The following NRIP1 variants were observed in gnomAD, a reference collection of about 807,000 sequenced individuals.
NRIP1 encodes the protein nuclear receptor-interacting protein 1.
In NRIP1, 28 loss-of-function variants were observed where a neutral mutation model predicts 75.0. The observed-to-expected ratio is 0.37, with a 90% confidence interval of 0.28 to 0.51. The LOEUF (loss-of-function observed/expected upper bound fraction) is 0.51. Among genes scored for constraint, NRIP1 ranks in the 20% least tolerant of loss-of-function variants. NRIP1 has a pLI of 0.92. For synonymous variants in NRIP1, 526 were observed against 487.6 expected (o/e 1.08, Z -1.04); for missense variants, 1,435 against 1,343.7 (o/e 1.07, Z -1.06).
In NRIP1 at chr21:14,965,987, C is replaced by G. The variant is rs778836237; in HGVS notation, c.2206G>C (p.Glu736Gln). Residue 736 changes from glutamate (E) to glutamine (Q), a missense_variant, in exon 4 of 4, where the codon GAA becomes CAA. Physicochemically the swap from Glu to Gln is conservative, Grantham distance 29. Coordinates refer to ENST00000318948, the MANE Select transcript of NRIP1 (RefSeq NM_003489.4). ...CTCTCTGAGTGTTCCTGAGTACTTT[C>G]ATCTCTTAAGGGAGTTTTCTCTTTT... Reference protein sequence around the residue: ...EKKEKTPLRDESTQEHSERAL... With the variant: ...EKKEKTPLRDQSTQEHSERAL... 4 of 1,613,426 alleles carry G rather than the reference C, an allele frequency of 2.5e-6. No individual in the cohort carries two copies. The African/African-American group carries it at 4.0e-5, about 16-fold the overall frequency.
intron 2 of NRIP1, among the ~76,000 whole-genome samples, chr21:15,016,128 C>T (rs2088221286): frequency 6.6e-6 from 1 of 152,206 alleles, no homozygotes; most frequent in South Asian, 2.1e-4. Flanking sequence ...ATTTTCACAA[C>T]TCGGTGAAAT....
chr21:14,990,971 G>A (rs1250824767), intron 3 of NRIP1, among the ~76,000 whole-genome samples: 1 of 152,068 alleles, frequency 6.6e-6, no homozygotes, highest in Non-Finnish European at 1.5e-5. Context: ...AGGGCTCTAC[G>A]TGCTTCTCGT....
At chr21:14,987,815 C>T (rs935123861) in intron 3 of NRIP1, 1 of 152,156 alleles carries the variant, frequency 6.6e-6, no homozygotes, top group Non-Finnish European at 1.5e-5. Flanking sequence ...CATTATTTAT[C>T]CTCATTCCCA....
intron 1 of NRIP1, among the ~76,000 whole-genome samples, chr21:15,056,506 CA>C (rs996570836): frequency 2.7e-4 from 41 of 151,916 alleles, no homozygotes; most frequent in Admixed American, 5.3e-4. Flanking sequence ...TATTTTAATT[CA>C]TTTTTTTTTA....
chr21:15,009,788 TTAA>T (rs2088059064), intron 3 of NRIP1, among the ~76,000 whole-genome samples: 1 of 152,216 alleles, frequency 6.6e-6, no homozygotes, highest in African/African-American at 2.4e-5. Context: ...ATAATTAAAT[TTAA>T]TGATGAAAGA....
Position 14,967,184 on chromosome 21 carries a change from T to A in NRIP1, c.1009A>T (p.Met337Leu). 6.2e-7 allele frequency: 1 copy of A among 1,614,130 alleles called. No individual in the cohort carries two copies. Among genetic ancestry groups the A allele is most frequent in the Non-Finnish European group, 8.5e-7 (1 of 1,180,006 alleles). ...GQARTSSSKL[M>L]ASKSSATVFQ... ...ACTGTAGCACTACTTTTGCTAGCCA[T>A]CAGTTTGCTTGATGATGTTCTTGCC... The change falls in exon 4 of 4, where the codon ATG (methionine) becomes TTG (leucine). Residue 337 changes from methionine (M) to leucine (L), a missense_variant. Transcript: ENST00000318948.
chr21:15,030,329 A>G (rs1438942905), intron 2 of NRIP1, among the ~76,000 whole-genome samples: 3 of 152,174 alleles, frequency 2.0e-5, no homozygotes, highest in Non-Finnish European at 4.4e-5. Context: ...TATTACTTAT[A>G]TTTTTATTAA....
intron 3 of NRIP1, among the ~76,000 whole-genome samples, chr21:15,006,775 T>A (rs1012502372): frequency 9.9e-5 from 15 of 152,074 alleles, no homozygotes; most frequent in Non-Finnish European, 2.2e-4. Context: ...ACCTAGTGAG[T>A]AAATAAGACC....
In NRIP1 at chr21:14,966,344, C is replaced by T. The variant is rs1387511462; in HGVS notation, c.1849G>A (p.Glu617Lys). Residue 617 changes from glutamate (E) to lysine (K), a missense_variant, in exon 4 of 4, where the codon GAA (glutamate) becomes AAA (lysine). Transcript: ENST00000318948. Reference protein sequence around the residue: ...DPPGEKPAQNEGAQNSATFSA... With the variant: ...DPPGEKPAQNKGAQNSATFSA... ...AACGTTGCAGAGTTCTGTGCACCTT[C>T]ATTTTGGGCTGGTTTCTCTCCTGGT... is the stretch of plus-strand genomic sequence containing the variant. The T allele has an allele frequency of 6.2e-7, 1 of 1,614,044 alleles. No individual in the cohort carries two copies. The highest frequency in any genetic ancestry group is 8.5e-7 in the Non-Finnish European group (1 of 1,179,960).
At chr21:14,996,476 T>C (rs1030203229) in intron 3 of NRIP1, among the ~76,000 whole-genome samples, 1 of 152,184 alleles carries the variant, frequency 6.6e-6, no homozygotes, top group Non-Finnish European at 1.5e-5. Flanking sequence ...AGCTTAAATA[T>C]CACCCGCTAA....
intron 3 of NRIP1, among the ~76,000 whole-genome samples, chr21:14,990,176 T>C (rs2087530113): frequency 6.6e-6 from 1 of 152,212 alleles, no homozygotes; most frequent in Non-Finnish European, 1.5e-5. Context: ...GCATGTACTC[T>C]TTCCCTCTCA....
At position 15,010,905 on chromosome 21, in the gene NRIP1, CA is replaced by C. The variant is rs141098636; in HGVS notation, c.-335+3438del. On this transcript the variant is annotated intron_variant, in intron 3 of 3. Transcript: ENST00000318948. ...GAGCCAAGCATACAGATTTTCTTAC[CA>C]GGGTTATCCACAAGGCCAGGAAAAC... Among the ~76,000 whole-genome samples, 366 of 152,266 alleles carry C rather than the reference CA, an allele frequency of 2.4e-3. 7 individuals carry two copies. The highest frequency in any genetic ancestry group is 8.4e-3 in the African/African-American group (348 of 41,554).
intron 2 of NRIP1, 56 bp from the exon 3 acceptor site, chr21:15,014,522 C>T (rs1221809942): frequency 2.5e-6 from 1 of 398,110 alleles, no homozygotes; most frequent in Non-Finnish European, 4.4e-6. Flanking sequence ...TTCTGGAATA[C>T]CTTTTGATCA....
intron 1 of NRIP1, among the ~76,000 whole-genome samples, chr21:15,061,647 T>C (rs1600946449): frequency 6.6e-6 from 1 of 152,190 alleles, no homozygotes; most frequent in African/African-American, 2.4e-5. Flanking sequence ...TTTAAACTCA[T>C]TCTGAGCAAA....
At chr21:14,992,713 C>T (rs1188883812) in intron 3 of NRIP1, 1 of 152,090 alleles carries the variant, frequency 6.6e-6, no homozygotes, top group Non-Finnish European at 1.5e-5. Flanking sequence ...AAAACATCTA[C>T]AGTGCACTAA....
At chr21:15,064,588 G>C (rs1021163993) in intron 1 of NRIP1, among the ~76,000 whole-genome samples, 157 bp downstream of exon 1, 5 of 151,612 alleles carry the variant, frequency 3.3e-5, no homozygotes, top group Admixed American at 2.0e-4. Flanking sequence ...CCAGGCAGCA[G>C]AGGCAGGATT....
At chr21:15,021,302 T>C (rs527551610) in intron 2 of NRIP1, among the ~76,000 whole-genome samples, 2 of 152,340 alleles carry the variant, frequency 1.3e-5, no homozygotes, top group South Asian at 4.1e-4. Flanking sequence ...ATCTATATTG[T>C]ATGATTCCAA....
At chr21:15,056,128 AACTT>A (rs2089300518) in intron 1 of NRIP1, among the ~76,000 whole-genome samples, 1 of 152,078 alleles carries the variant, frequency 6.6e-6, no homozygotes, top group Non-Finnish European at 1.5e-5. Context: ...TCTAAAAACT[AACTT>A]GTTTGATAAA....
chr21:15,024,195 T>C (rs1265414832), intron 2 of NRIP1, among the ~76,000 whole-genome samples: 1 of 152,184 alleles, frequency 6.6e-6, no homozygotes, highest in Non-Finnish European at 1.5e-5. Flanking sequence ...AAAACTTCAT[T>C]CATCAAAAAT....
Sources: gnomAD v4.1 joint callset for allele counts (sites outside exome capture counted in the v4.1 genomes callset) on GRCh38, gnomAD v4.1.1 for gene constraint, MANE v1.5 for transcripts, NCBI Gene and HGNC (gene_info 2026-07-23, HGNC 2026-07-21) for gene names.